ACAP2: variants seen among roughly 807,000 people sequenced by gnomAD.
ACAP2 encodes the protein arf-GAP with coiled-coil, ANK repeat and PH domain-containing protein 2.
A neutral mutation model predicts 115.8 loss-of-function variants in ACAP2; 39 were observed. That is an observed-to-expected ratio of 0.34 (90% confidence interval 0.26 to 0.44). ACAP2 has a LOEUF of 0.44. Ranked by LOEUF, ACAP2 falls within the 20% of genes least tolerant of loss-of-function variation. The pLI is 1.00. For synonymous variants in ACAP2, 289 were observed against 315.8 expected (o/e 0.92, Z 0.90); for missense variants, 662 against 927.6 (o/e 0.71, Z 3.72).
chr3:195,319,320 C>A (rs149133092), intron 10 of ACAP2, among the ~76,000 whole-genome samples: 262 of 152,360 alleles, frequency 1.7e-3, no homozygotes, highest in Non-Finnish European at 2.9e-3. Flanking sequence ...ATAGTCCCCA[C>A]TGTGGCACTG....
intron 4 of ACAP2, among the ~76,000 whole-genome samples, chr3:195,372,452 G>C (rs923541557): frequency 3.3e-5 from 5 of 152,154 alleles, no homozygotes; most frequent in Non-Finnish European, 1.5e-5. Flanking sequence ...CTCAGCACCT[G>C]GGAGTCCCGG....
In ACAP2 at chr3:195,297,920, A is replaced by G. The variant is rs112200211; in HGVS notation, c.1396-639T>C. The stretch of plus-strand genomic sequence containing the variant: ...GCTCTCCTTGCCTCACTAATAAATT[A>G]TATCTGTACCTTCTTAGCTAATCTT... On this transcript the variant is annotated intron_variant, in intron 15 of 22. Transcript: ENST00000326793. 4.2e-4 allele frequency among the ~76,000 whole-genome samples: 64 copies of G among 152,280 alleles called. No individual in the cohort carries two copies. The Middle Eastern group carries it at 0.017, about 40-fold the overall frequency.
intron 2 of ACAP2, among the ~76,000 whole-genome samples, chr3:195,388,384 A>G (rs1560316176): frequency 6.6e-6 from 1 of 152,248 alleles, no homozygotes; most frequent in Non-Finnish European, 1.5e-5. Flanking sequence ...GATGCTGTCA[A>G]TGACAGAACA....
At chr3:195,382,563 ATTTTCT>A (rs555896386) in intron 2 of ACAP2, among the ~76,000 whole-genome samples, 253 of 151,988 alleles carry the variant, frequency 1.7e-3, no homozygotes, top group Non-Finnish European at 3.2e-3. Flanking sequence ...GACACAGAAC[ATTTTCT>A]TTTACCAAAA....
At chr3:195,335,803 G>T (rs1446322379) in intron 7 of ACAP2, 1 of 150,484 alleles carries the variant, frequency 6.6e-6, no homozygotes, top group Non-Finnish European at 1.5e-5. Context: ...AAGTCAGTAA[G>T]TAATTCAGAG....
intron 1 of ACAP2, among the ~76,000 whole-genome samples, chr3:195,430,177 T>C (rs905132870): frequency 3.3e-5 from 5 of 152,176 alleles, no homozygotes; most frequent in African/African-American, 1.2e-4. Flanking sequence ...CTACAGATTA[T>C]CAGGGAGGGA....
chr3:195,393,707 C>T (rs1159215392), intron 1 of ACAP2, among the ~76,000 whole-genome samples: 1 of 152,168 alleles, frequency 6.6e-6, no homozygotes, highest in South Asian at 2.1e-4. Context: ...CACACGAGAA[C>T]AAATGTATGT....
intron 1 of ACAP2, chr3:195,413,019 C>G (rs1469376038): frequency 3.4e-6 from 1 of 291,782 alleles, no homozygotes; most frequent in Non-Finnish European, 7.2e-6. Context: ...CACAGAGTAA[C>G]AGAAGATTCC....
At chr3:195,337,432 C>T (rs1300447616) in intron 6 of ACAP2, among the ~76,000 whole-genome samples, 7 of 147,710 alleles carry the variant, frequency 4.7e-5, no homozygotes, top group Non-Finnish European at 7.4e-5. Context: ...ATTATACACA[C>T]GGCAACCAGT....
intron 6 of ACAP2, among the ~76,000 whole-genome samples, chr3:195,342,068 C>T (rs1360656284): frequency 6.6e-6 from 1 of 151,978 alleles, no homozygotes; most frequent in Admixed American, 6.6e-5. Flanking sequence ...GTGACAGATA[C>T]AATAAAAGCC....
chr3:195,425,246 T>G (rs145837144), intron 1 of ACAP2, among the ~76,000 whole-genome samples: 6 of 152,068 alleles, frequency 3.9e-5, no homozygotes, highest in African/African-American at 1.4e-4. Context: ...CAACTACCCA[T>G]CAAGACTTAA....
intron 6 of ACAP2, among the ~76,000 whole-genome samples, chr3:195,340,503 G>T (rs1730796481): frequency 6.6e-6 from 1 of 151,972 alleles, no homozygotes; most frequent in Non-Finnish European, 1.5e-5. Flanking sequence ...GAAAAGAAAA[G>T]AATAAAACCA....
Position 195,320,761 on chromosome 3 carries a change from C to G in ACAP2, c.797G>C (p.Gly266Ala), listed in dbSNP as rs779433917. 1.9e-6 allele frequency: 3 copies of G among 1,613,498 alleles called. No individual in the cohort carries two copies. The highest frequency in any genetic ancestry group is 2.2e-5 in the South Asian group (2 of 91,044). Reference protein sequence around the residue: ...KLEYNVDAANGIVMEGYLFKR... With the variant: ...KLEYNVDAANAIVMEGYLFKR... The stretch of plus-strand genomic sequence containing the variant: ...GAACAGATATCCTTCCATAACTATG[C>G]CATTTGCAGCATCTACGTTATATTC... Residue 266 changes from glycine (G) to alanine (A), a missense_variant, in exon 10 of 23, where the codon GGC becomes GCC. Physicochemically the swap from Gly to Ala is moderately conservative, Grantham distance 60 (BLOSUM62 0). This residue lies in a region of ACAP2 where 401 missense variants were observed against 604.4 expected (regional missense o/e 0.66). Coordinates refer to ENST00000326793, the MANE Select transcript of ACAP2 (RefSeq NM_012287.6).
At chr3:195,368,578 T>C (rs62288360) in intron 4 of ACAP2, among the ~76,000 whole-genome samples, 42,605 of 152,154 alleles carry the variant, frequency 0.28, 6,798 homozygotes, top group East Asian at 0.71. Context: ...TTATTTTTCA[T>C]ATTTTTCCTA....
rs533814716 is a variant in ACAP2, at chr3:195,440,134, T to C, written c.53+2661A>G. Among the ~76,000 whole-genome samples, 6 of 152,284 alleles carry C rather than the reference T, an allele frequency of 3.9e-5. No homozygotes were observed. The South Asian group carries it at 1.0e-3, about 26-fold the overall frequency. On this transcript the variant is annotated intron_variant, in intron 1 of 22. Transcript: ENST00000326793. ...TAGATTTTTAGATGAACAAGGTTTTTAGATTTTAGATGAACAAGATTTTGA... is the reference window on the plus strand; with the variant it reads ...TAGATTTTTAGATGAACAAGGTTTTCAGATTTTAGATGAACAAGATTTTGA...
chr3:195,412,744 C>T (rs1191207083), intron 1 of ACAP2: 6 of 209,484 alleles, frequency 2.9e-5, no homozygotes, highest in African/African-American at 1.6e-4. Context: ...AAATTAAAAC[C>T]GTAACTGCCT....
chr3:195,281,193 C>T (rs1345918783), intron 22 of ACAP2, among the ~76,000 whole-genome samples: 2 of 152,126 alleles, frequency 1.3e-5, no homozygotes, highest in African/African-American at 4.8e-5. Flanking sequence ...ATCACGAGGT[C>T]AGGAGATGGA....
chr3:195,381,439 G>A (rs949055223), intron 3 of ACAP2, among the ~76,000 whole-genome samples: 38 of 152,026 alleles, frequency 2.5e-4, no homozygotes, highest in Non-Finnish European at 2.8e-4. Context: ...TCTCATGAAA[G>A]AAATATAACA....
At chr3:195,387,223 G>A (rs1214166617) in intron 2 of ACAP2, among the ~76,000 whole-genome samples, 1 of 152,146 alleles carries the variant, frequency 6.6e-6, no homozygotes, top group Admixed American at 6.5e-5. Flanking sequence ...AACCTACAAA[G>A]AGGGAAGATT....
Sources: allele counts gnomAD v4.1 joint callset (sites outside exome capture counted in the v4.1 genomes callset), GRCh38; gene constraint gnomAD v4.1.1; regional missense constraint gnomAD v4.1.1; transcripts MANE v1.5; gene names NCBI Gene and HGNC (gene_info 2026-07-23, HGNC 2026-07-21).